Variants in EPC1 observed in about 807,000 individuals in gnomAD.
EPC1 encodes the protein enhancer of polycomb 1, also known as enhancer of polycomb homolog 1.
EPC1 carries 12 observed loss-of-function variants against 98.4 expected under a neutral mutation model. The ratio of observed to expected loss-of-function variants is 0.12; its 90% CI spans 0.08 to 0.20. The LOEUF (loss-of-function observed/expected upper bound fraction) is 0.20, where lower values mean the gene tolerates loss of function less well. Among genes scored for constraint, EPC1 ranks in the 10% least tolerant of loss-of-function variants. The pLI is 1.00. For missense variants in EPC1, 729 were observed against 990.5 expected, an observed-to-expected ratio of 0.74 and a Z score of 3.54; for synonymous variants, 357 against 363.9, an observed-to-expected ratio of 0.98 and a Z score of 0.21.
At chr10:32,293,286 TACA>T (rs1253346046) in intron 3 of EPC1, 92 bp from the exon 4 acceptor site, 2 of 1,001,890 alleles carry the variant, frequency 2.0e-6, no homozygotes, top group South Asian at 1.7e-5. Flanking sequence ...TAATCAATAT[TACA>T]ACATTATTAA....
intron 1 of EPC1, among the ~76,000 whole-genome samples, chr10:32,343,133 C>G (rs1258982612): frequency 3.5e-5 from 3 of 84,780 alleles, no homozygotes; most frequent in Non-Finnish European, 5.9e-5. Flanking sequence ...AGCTGAAAGT[C>G]TATTATTTCG....
upstream of EPC1, among the ~76,000 whole-genome samples, chr10:32,347,903 A>C (rs113475361): frequency 9.0e-3 from 1,371 of 152,326 alleles, 25 homozygotes; most frequent in African/African-American, 0.029. Flanking sequence ...CTATTCTACA[A>C]AGTAGATTTT....
intron 5 of EPC1, chr10:32,291,874 G>A (rs1834872517): frequency 6.6e-6 from 1 of 151,966 alleles, no homozygotes; most frequent in Non-Finnish European, 1.5e-5. Flanking sequence ...GAGGATTGTT[G>A]GGAAAAAATC....
At chr10:32,297,184 T>C (rs895640549) in intron 2 of EPC1, among the ~76,000 whole-genome samples, 7 of 151,974 alleles carry the variant, frequency 4.6e-5, no homozygotes, top group Admixed American at 4.6e-4. Context: ...TTGGATGTGT[T>C]CAAAGTAAAA....
upstream of EPC1, among the ~76,000 whole-genome samples, chr10:32,350,340 C>G (rs542724336): frequency 6.6e-6 from 1 of 152,312 alleles, no homozygotes; most frequent in Non-Finnish European, 1.5e-5. Flanking sequence ...TAATGAAATG[C>G]AGTGGCTATG....
At chr10:32,351,728 T>G (rs1297889824), upstream of EPC1, among the ~76,000 whole-genome samples, 1 of 151,794 alleles carries the variant, frequency 6.6e-6, no homozygotes, top group East Asian at 1.9e-4. Flanking sequence ...ATTATTTATT[T>G]ATTTATTTAT....
intron 5 of EPC1, 77 bp downstream of exon 5, chr10:32,292,419 A>G: frequency 9.5e-7 from 1 of 1,055,770 alleles, no homozygotes; most frequent in Non-Finnish European, 1.3e-6. Context: ...AGATTATTGC[A>G]TAGGAAATAA....
chr10:32,287,043 AG>A (rs769809860), intron 7 of EPC1, 28 bp from the exon 8 acceptor site: 14 of 1,613,562 alleles, frequency 8.7e-6, no homozygotes, highest in Non-Finnish European at 1.2e-5. Flanking sequence ...AAAGTAGGTC[AG>A]ATACGTGACT....
intron 13 of EPC1, among the ~76,000 whole-genome samples, chr10:32,270,691 G>A (rs1370221045): frequency 6.6e-6 from 1 of 151,686 alleles, no homozygotes; most frequent in Non-Finnish European, 1.5e-5. Context: ...CAGGCATCGC[G>A]GTGTATGCCT....
intron 2 of EPC1, among the ~76,000 whole-genome samples, chr10:32,304,259 T>C (rs1592574108): frequency 6.6e-6 from 1 of 152,208 alleles, no homozygotes; most frequent in Non-Finnish European, 1.5e-5. Flanking sequence ...CTCATAATGA[T>C]AATGTAAATT....
intron 1 of EPC1, among the ~76,000 whole-genome samples, chr10:32,340,180 G>A (rs1368841195): frequency 6.6e-6 from 1 of 152,100 alleles, no homozygotes; most frequent in Admixed American, 6.5e-5. Flanking sequence ...TCCAAAAACT[G>A]AACCAAAACT....
At chr10:32,345,916 A>G (rs1486468738) in intron 1 of EPC1, among the ~76,000 whole-genome samples, 1 of 152,176 alleles carries the variant, frequency 6.6e-6, no homozygotes, top group Non-Finnish European at 1.5e-5. Context: ...ACTTAAATTT[A>G]TTTTACAAAT....
chr10:32,301,582 C>A (rs1438182218), intron 2 of EPC1, among the ~76,000 whole-genome samples: 2 of 152,126 alleles, frequency 1.3e-5, no homozygotes, highest in Non-Finnish European at 2.9e-5. Flanking sequence ...GGGATAAACA[C>A]AGAAATCAAT....
chr10:32,288,968 A>G (rs1397434701), intron 6 of EPC1, among the ~76,000 whole-genome samples: 1 of 152,118 alleles, frequency 6.6e-6, no homozygotes, highest in East Asian at 1.9e-4. Context: ...ATGCGCCTGT[A>G]GTCCCAGCTA....
chr10:32,273,555 A>AT (rs34086785), intron 10 of EPC1, among the ~76,000 whole-genome samples: 37 of 149,834 alleles, frequency 2.5e-4, no homozygotes, highest in Admixed American at 1.4e-3. Context: ...CAACACCACT[A>AT]TTTTTTTTTT....
At chr10:32,344,928 A>C (rs983279073) in intron 1 of EPC1, among the ~76,000 whole-genome samples, 21 of 152,248 alleles carry the variant, frequency 1.4e-4, no homozygotes, top group African/African-American at 4.8e-4. Flanking sequence ...CACAGAAGCA[A>C]GACTTAACTA....
chr10:32,312,359 A>G (rs1490240809), intron 1 of EPC1, among the ~76,000 whole-genome samples: 1 of 152,212 alleles, frequency 6.6e-6, no homozygotes, highest in African/African-American at 2.4e-5. Context: ...ACATGCACAA[A>G]CCATCAATTA....
intron 6 of EPC1, among the ~76,000 whole-genome samples, chr10:32,290,505 A>AAAAAGAAAGTAAGAAAG (rs1554819136): frequency 1.3e-5 from 1 of 77,478 alleles, no homozygotes; most frequent in East Asian, 4.7e-4. Context: ...AAAAAAAAAA[A>AAAAAGAAAGTAAGAAAG]AAAGAAAGAA....
chr10:32,338,831 C>T (rs1838138787), intron 1 of EPC1, among the ~76,000 whole-genome samples: 1 of 151,762 alleles, frequency 6.6e-6, no homozygotes, highest in Admixed American at 6.6e-5. Context: ...TTCAGCTACT[C>T]AGGAGGCTGA....
Sources: gnomAD v4.1 joint callset for allele counts (sites outside exome capture counted in the v4.1 genomes callset) on GRCh38, gnomAD v4.1.1 for gene constraint, MANE v1.5 for transcripts, NCBI Gene and HGNC (gene_info 2026-07-23, HGNC 2026-07-21) for gene names.